RANBP2: variants seen among roughly 807,000 people sequenced by gnomAD.
The protein encoded by RANBP2 is E3 SUMO-protein ligase RanBP2.
Under a neutral mutation model 303.6 loss-of-function variants are expected in RANBP2, and 57 were observed. The ratio of observed to expected loss-of-function variants is 0.19; its 90% CI spans 0.15 to 0.23. The LOEUF is 0.23. Ranked by LOEUF, RANBP2 falls within the 10% of genes least tolerant of loss-of-function variation. The pLI is 1.00. For missense variants in RANBP2, 3,138 were observed against 3,780.8 expected (o/e 0.83, Z 4.46); for synonymous variants, 1,167 against 1,301.5 (o/e 0.90, Z 2.23).
chr2:109,674,874 T>C, the RANBP2 span, among the ~76,000 whole-genome samples: 85 of 152,354 alleles, frequency 5.6e-4, no homozygotes, highest in African/African-American at 1.7e-3. Context: ...TTTGCTTACA[T>C]GGAGTCATCT....
the RANBP2 span, among the ~76,000 whole-genome samples, chr2:109,357,477 G>A: frequency 1.3e-5 from 2 of 152,266 alleles, no homozygotes; most frequent in African/African-American, 2.4e-5. Flanking sequence ...CACCGCACCC[G>A]GCCAACAGAA....
At chr2:109,067,150 G>C in the RANBP2 span, among the ~76,000 whole-genome samples, 1 of 152,142 alleles carries the variant, frequency 6.6e-6, no homozygotes, top group Non-Finnish European at 1.5e-5. Context: ...GCCAGCCTGG[G>C]TCGGCTTGTT....
chr2:109,259,994 C>T, the RANBP2 span, among the ~76,000 whole-genome samples: 1 of 152,158 alleles, frequency 6.6e-6, no homozygotes, highest in African/African-American at 2.4e-5. Flanking sequence ...CTCTTTTCTT[C>T]TCCGGCCAGA....
At chr2:108,999,610 G>T in the RANBP2 span, among the ~76,000 whole-genome samples, 1 of 152,150 alleles carries the variant, frequency 6.6e-6, no homozygotes, top group African/African-American at 2.4e-5. Flanking sequence ...GACGCCACAT[G>T]GAGATTCCTG....
the RANBP2 span, chr2:108,876,313 C>G: frequency 1.1e-6 from 1 of 914,724 alleles, no homozygotes. Flanking sequence ...TAGAAATTAC[C>G]AAAGTAACTA....
At chr2:109,372,476 A>G in the RANBP2 span, among the ~76,000 whole-genome samples, 23 of 152,350 alleles carry the variant, frequency 1.5e-4, no homozygotes, top group African/African-American at 5.5e-4. Context: ...GCTTCAGTGA[A>G]TGCTTACTGA....
the RANBP2 span, among the ~76,000 whole-genome samples, chr2:109,485,090 T>C: frequency 6.6e-5 from 10 of 152,364 alleles, no homozygotes; most frequent in African/African-American, 2.4e-4. Context: ...TCATGGGTTA[T>C]CATGGCTAAC....
the RANBP2 span, among the ~76,000 whole-genome samples, chr2:109,328,833 T>C: frequency 1.3e-5 from 2 of 152,168 alleles, no homozygotes; most frequent in Admixed American, 1.3e-4. Flanking sequence ...CACAGTGTTA[T>C]CCAGAGGTGG....
the RANBP2 span, among the ~76,000 whole-genome samples, chr2:108,961,538 A>G: frequency 6.6e-6 from 1 of 152,216 alleles, no homozygotes; most frequent in Non-Finnish European, 1.5e-5. Flanking sequence ...TCAGATTTAC[A>G]TGCTGAAGGT....
At position 108,719,519 on chromosome 2, in the gene RANBP2, G is replaced by T; in HGVS notation, c.-88G>T. On this transcript the variant is annotated 5_prime_UTR_variant, in exon 1 of 29. Coordinates refer to ENST00000283195, the MANE Select transcript of RANBP2 (RefSeq NM_006267.5). ...CGCCGGCTACGGCGCTGCGTCACTGGTTTGCAGGCGCTTTCCTCTTGGAAG... is the reference window on the plus strand; with the variant it reads ...CGCCGGCTACGGCGCTGCGTCACTGTTTTGCAGGCGCTTTCCTCTTGGAAG... The T allele has an allele frequency of 3.9e-6, 6 of 1,544,564 alleles. No homozygotes were observed. Among genetic ancestry groups the T allele is most frequent in the East Asian group, 2.4e-5 (1 of 41,294 alleles).
the RANBP2 span, among the ~76,000 whole-genome samples, chr2:109,311,531 G>T: frequency 0.26 from 39,853 of 151,108 alleles, 6,113 homozygotes; most frequent in East Asian, 0.69. Flanking sequence ...GGTATTCAAT[G>T]AGGAAAAGAG....
the RANBP2 span, among the ~76,000 whole-genome samples, chr2:109,595,703 A>C: frequency 2.6e-5 from 4 of 152,254 alleles, no homozygotes; most frequent in African/African-American, 7.2e-5. Context: ...GAGAAAGTAC[A>C]GTAAGTGTAA....
At chr2:108,999,944 T>C in the RANBP2 span, among the ~76,000 whole-genome samples, 1 of 152,146 alleles carries the variant, frequency 6.6e-6, no homozygotes, top group Non-Finnish European at 1.5e-5. Flanking sequence ...CCATCTTATG[T>C]GCCTTTGCCC....
At chr2:108,876,270 A>G in the RANBP2 span, 3 of 1,478,694 alleles carry the variant, frequency 2.0e-6, no homozygotes, top group African/African-American at 1.4e-5. Flanking sequence ...TAATTTTTTA[A>G]TATAGTATAT....
chr2:109,022,209 C>T, the RANBP2 span, among the ~76,000 whole-genome samples: 1 of 152,206 alleles, frequency 6.6e-6, no homozygotes, highest in Non-Finnish European at 1.5e-5. Context: ...CCCAGGCATG[C>T]GAAGTGGGGT....
At chr2:108,800,100 T>C in the RANBP2 span, among the ~76,000 whole-genome samples, 1 of 152,224 alleles carries the variant, frequency 6.6e-6, no homozygotes, top group East Asian at 1.9e-4. Flanking sequence ...TTATCTTTTT[T>C]CTTGAGGCTT....
chr2:109,216,110 C>T, the RANBP2 span, among the ~76,000 whole-genome samples: 2 of 151,942 alleles, frequency 1.3e-5, no homozygotes, highest in African/African-American at 4.8e-5. Context: ...AGGAGGAACC[C>T]GGGGGACATC....
intron 17 of RANBP2, among the ~76,000 whole-genome samples, chr2:108,757,982 C>T (rs1053844215): frequency 1.2e-4 from 18 of 152,250 alleles, no homozygotes; most frequent in Admixed American, 2.0e-4. Context: ...CTAGAACTCA[C>T]TGGCAAATAG....
intron 2 of RANBP2, 128 bp downstream of exon 2, chr2:108,729,327 C>G: frequency 9.0e-7 from 1 of 1,115,272 alleles, no homozygotes; most frequent in Non-Finnish European, 1.2e-6. Context: ...AGGGATTTAT[C>G]ACTCAGACTG....
Sources: allele counts gnomAD v4.1 joint callset (sites outside exome capture counted in the v4.1 genomes callset), GRCh38; gene constraint gnomAD v4.1.1; transcripts MANE v1.5; gene names NCBI Gene and HGNC (gene_info 2026-07-23, HGNC 2026-07-21).